The following LRRC7 variants were observed in gnomAD, a reference collection of about 807,000 sequenced individuals.
The protein encoded by LRRC7 is leucine rich repeat containing 7, also known as leucine-rich repeat-containing protein 7.
A neutral mutation model predicts 175.7 loss-of-function variants in LRRC7; 23 were observed. The observed-to-expected ratio is 0.13, with a 90% CI of 0.09 to 0.19. The LOEUF is 0.19. LRRC7 is among the 10% of genes least tolerant of loss of function. The pLI is 1.00. For missense variants in LRRC7, 1,354 were observed against 1,904.7 expected (o/e 0.71, Z 5.38); for synonymous variants, 685 against 680.9 (o/e 1.01, Z -0.09).
At chr1:69,858,440 A>G (rs1367026016) in intron 7 of LRRC7, among the ~76,000 whole-genome samples, 1 of 152,170 alleles carries the variant, frequency 6.6e-6, no homozygotes, top group Non-Finnish European at 1.5e-5. Flanking sequence ...CATGTACCCT[A>G]GAACTTATAG....
rs1666530368 is a variant in LRRC7 at position 70,128,360 on chromosome 1, G to C, written c.*6473G>C. On this transcript the variant is annotated 3_prime_UTR_variant, in exon 27 of 27. Transcript: ENST00000651989. ...ACCCAATCTTTCTCTAGTTTTGAAA[G>C]TGTATTTTTTTATCACTGTTGCACA... 6.6e-6 allele frequency among the ~76,000 whole-genome samples: 1 copy of C among 152,118 alleles called. No individual in the cohort carries two copies. The highest frequency in any genetic ancestry group is 1.5e-5 in the Non-Finnish European group (1 of 68,022).
chr1:69,919,344 G>A (rs184822845), intron 7 of LRRC7: 32 of 599,076 alleles, frequency 5.3e-5, no homozygotes, highest in Non-Finnish European at 8.3e-5. Flanking sequence ...AAACAAGAGC[G>A]TGAGGAGGAA....
At chr1:69,628,341 C>A (rs191895303) in intron 1 of LRRC7, among the ~76,000 whole-genome samples, 5 of 152,108 alleles carry the variant, frequency 3.3e-5, no homozygotes, top group African/African-American at 4.8e-5. Flanking sequence ...CAGCAATGAA[C>A]AAGTGAAATA....
At chr1:69,993,850 G>A (rs1654676378) in intron 10 of LRRC7, among the ~76,000 whole-genome samples, 1 of 152,160 alleles carries the variant, frequency 6.6e-6, no homozygotes, top group South Asian at 2.1e-4. Context: ...GGATAAGGAA[G>A]TTGATTATGC....
At position 69,641,523 on chromosome 1, in the gene LRRC7, C is replaced by A. The variant is rs528464801; in HGVS notation, c.3-36858C>A. Among the ~76,000 whole-genome samples, 7 of 151,268 alleles carry A rather than the reference C, an allele frequency of 4.6e-5. No homozygotes were observed. In the South Asian group the frequency reaches 1.0e-3, roughly 22 times the overall value. ...ATTACTAAATTTATCATATTAATAACCTTTACAGCTTATTAAAATTACAAG... is the reference window on the plus strand; with the variant it reads ...ATTACTAAATTTATCATATTAATAAACTTTACAGCTTATTAAAATTACAAG... On this transcript the variant is annotated intron_variant, in intron 1 of 26. Transcript: ENST00000651989.
chr1:69,906,552 C>T (rs1646318755), intron 7 of LRRC7, among the ~76,000 whole-genome samples: 1 of 152,154 alleles, frequency 6.6e-6, no homozygotes, highest in Admixed American at 6.6e-5. Flanking sequence ...TCAGGTTTGT[C>T]AAAGATCAGA....
chr1:70,118,102 C>G (rs571320896), intron 26 of LRRC7, among the ~76,000 whole-genome samples: 2 of 150,746 alleles, frequency 1.3e-5, no homozygotes, highest in Non-Finnish European at 3.0e-5. Context: ...CGCACACGAA[C>G]AAAAATGCAA....
At chr1:69,825,908 T>C (rs1679855391) in intron 5 of LRRC7, 82 bp downstream of exon 5, 1 of 809,482 alleles carries the variant, frequency 1.2e-6, no homozygotes, top group Admixed American at 2.9e-5. Context: ...ATGCACATCA[T>C]AATTTAAATT....
chr1:69,965,313 T>C (rs1488710590), intron 8 of LRRC7, among the ~76,000 whole-genome samples: 2 of 152,218 alleles, frequency 1.3e-5, no homozygotes, highest in Admixed American at 1.3e-4. Flanking sequence ...TGGATACTAA[T>C]TTTGTCATTT....
At chr1:69,782,500 G>A (rs1458046330) in intron 3 of LRRC7, among the ~76,000 whole-genome samples, 1 of 152,184 alleles carries the variant, frequency 6.6e-6, no homozygotes, top group Non-Finnish European at 1.5e-5. Context: ...TCCAGCTGGA[G>A]ACTGGTATTT....
At position 69,762,234 on chromosome 1, in the gene LRRC7, A is replaced by T. The variant is rs112429076; in HGVS notation, c.303+1841A>T. On this transcript the variant is annotated intron_variant, in intron 3 of 26. Coordinates refer to ENST00000651989, the MANE Select transcript of LRRC7 (RefSeq NM_001370785.2). Reference sequence around the variant, plus strand: ...ATTTTGTAAGATAGGTAGTAAAAACATGGTTAATTTATCAAGCAAGTATTT... The same window carrying T: ...ATTTTGTAAGATAGGTAGTAAAAACTTGGTTAATTTATCAAGCAAGTATTT... 2.1e-3 allele frequency among the ~76,000 whole-genome samples: 325 copies of T among 152,130 alleles called. 1 individual carries two copies. Among genetic ancestry groups the T allele is most frequent in the African/African-American group, 7.4e-3 (307 of 41,536 alleles).
Position 69,744,009 on chromosome 1 carries a change from C to A in LRRC7, c.101-16182C>A, listed in dbSNP as rs562692099. On this transcript the variant is annotated intron_variant, in intron 2 of 26. Coordinates refer to ENST00000651989, the MANE Select transcript of LRRC7 (RefSeq NM_001370785.2). ...ACTACTTACTATCCTCTACCCAATT[C>A]TGTCTATTGTAATTTTTTACCAAAC... Among the ~76,000 whole-genome samples the A allele has an allele frequency of 2.6e-5, 4 of 151,560 alleles. No homozygotes were observed. In the South Asian group the frequency reaches 8.3e-4, roughly 31 times the overall value.
intron 1 of LRRC7, among the ~76,000 whole-genome samples, chr1:69,634,169 T>C (rs1652960932): frequency 6.6e-6 from 1 of 152,084 alleles, no homozygotes; most frequent in African/African-American, 2.4e-5. Flanking sequence ...TCCAACTAGA[T>C]AAAGAGTATG....
chr1:69,755,754 T>G (rs934306321), intron 2 of LRRC7, among the ~76,000 whole-genome samples: 1 of 151,898 alleles, frequency 6.6e-6, no homozygotes, highest in Non-Finnish European at 1.5e-5. Context: ...TCTATATACA[T>G]AGTAACATGG....
chr1:69,928,446 G>A (rs545280654), intron 7 of LRRC7, among the ~76,000 whole-genome samples: 59 of 152,374 alleles, frequency 3.9e-4, no homozygotes, highest in African/African-American at 1.4e-3. Context: ...TCCTTGAGCT[G>A]TGGTGGGCTC....
chr1:69,869,251 G>T (rs558170348), intron 7 of LRRC7, among the ~76,000 whole-genome samples: 6 of 152,110 alleles, frequency 3.9e-5, no homozygotes, highest in African/African-American at 1.4e-4. Context: ...TGTTAACAGA[G>T]ATGGAGAGAA....
intron 1 of LRRC7, among the ~76,000 whole-genome samples, chr1:69,572,283 A>G (rs542723914): frequency 1.3e-5 from 2 of 152,156 alleles, no homozygotes; most frequent in African/African-American, 4.8e-5. Flanking sequence ...AAGAAATAAA[A>G]TTTTAATATA....
intron 10 of LRRC7, among the ~76,000 whole-genome samples, chr1:69,992,176 TATA>T (rs1336426084): frequency 6.6e-6 from 1 of 152,272 alleles, no homozygotes; most frequent in East Asian, 1.9e-4. Flanking sequence ...ATTGTTACAA[TATA>T]ATATTTATTA....
chr1:69,728,341 A>G (rs747519741), intron 2 of LRRC7, among the ~76,000 whole-genome samples: 1 of 152,146 alleles, frequency 6.6e-6, no homozygotes, highest in Non-Finnish European at 1.5e-5. Flanking sequence ...TACCATATAA[A>G]CAAAAAAAAA....
Sources: allele counts gnomAD v4.1 joint callset (sites outside exome capture counted in the v4.1 genomes callset), GRCh38; gene constraint gnomAD v4.1.1; transcripts MANE v1.5; gene names NCBI Gene and HGNC (gene_info 2026-07-23, HGNC 2026-07-21).